The following TRPC5 variants were observed in gnomAD, a reference collection of about 807,000 sequenced individuals.
The protein encoded by TRPC5 is short transient receptor potential channel 5.
TRPC5 carries 9 observed loss-of-function variants against 56.5 expected under a neutral mutation model. The ratio of observed to expected loss-of-function variants is 0.16; its 90% confidence interval spans 0.10 to 0.28. The LOEUF (loss-of-function observed/expected upper bound fraction) is 0.28, where lower values mean the gene tolerates loss of function less well. TRPC5 is among the 10% of genes least tolerant of loss of function. The pLI, the probability that TRPC5 is intolerant of heterozygous loss-of-function variation, is 1.00. For synonymous variants in TRPC5, 282 were observed against 278.5 expected, an observed-to-expected ratio of 1.01 and a Z score of -0.13; for missense variants, 469 against 748.9, an observed-to-expected ratio of 0.63 and a Z score of 4.36.
intron 3 of TRPC5, among the ~76,000 whole-genome samples, chrX:111,886,432 G>A (rs933600634): frequency 8.9e-6 from 1 of 112,262 alleles, no homozygotes; most frequent in Admixed American, 9.4e-5. Context: ...TAAGTGTTTG[G>A]TAGATTATGC....
chrX:111,971,693 C>T (rs1268378336), intron 1 of TRPC5, among the ~76,000 whole-genome samples: 1 of 111,590 alleles, frequency 9.0e-6, no homozygotes, highest in East Asian at 2.8e-4. Context: ...TGTGTCCCTT[C>T]CAAAAATTAA....
chrX:112,068,537 GCAAA>G (rs1450409570), intron 1 of TRPC5, among the ~76,000 whole-genome samples: 2 of 112,056 alleles, frequency 1.8e-5, no homozygotes, highest in African/African-American at 6.5e-5. Context: ...TGCTACAGGG[GCAAA>G]CAAAGAGCTT....
rs1420653228 is a variant in TRPC5, at chrX:111,773,353, T to C, written c.*2960A>G. Among the ~76,000 whole-genome samples the C allele has an allele frequency of 8.9e-6, 1 of 112,061 alleles. No individual in the cohort carries two copies. On this transcript the variant is annotated 3_prime_UTR_variant, in exon 11 of 11. Transcript: ENST00000262839. The stretch of plus-strand genomic sequence containing the variant: ...ATTTTTACCTTTATTATTAGGGAGA[T>C]TTTATGAGATCAAATAAATGAATCC...
chrX:112,064,266 TAGCATTATATCTCA>T (rs1265459671), intron 1 of TRPC5, among the ~76,000 whole-genome samples: 3 of 111,924 alleles, frequency 2.7e-5, no homozygotes, highest in African/African-American at 9.8e-5. Flanking sequence ...GTCAGGTAGA[TAGCATTATATCTCA>T]AGCCATGGAG....
chrX:111,995,529 A>G (rs1603136350), intron 1 of TRPC5, among the ~76,000 whole-genome samples: 1 of 111,578 alleles, frequency 9.0e-6, no homozygotes, highest in South Asian at 3.8e-4. Flanking sequence ...GAATAGTTTC[A>G]GAAGGAATGG....
intron 3 of TRPC5, among the ~76,000 whole-genome samples, chrX:111,885,780 C>T (rs1603076275): frequency 9.0e-6 from 1 of 111,082 alleles, no homozygotes. Flanking sequence ...TCAAAAGCCA[C>T]ACTTTTTTAC....
At chrX:111,789,943 A>T (rs762697656) in intron 7 of TRPC5, among the ~76,000 whole-genome samples, 1 of 112,050 alleles carries the variant, frequency 8.9e-6, no homozygotes, top group Admixed American at 9.5e-5. Flanking sequence ...AAATAGGAAC[A>T]CTTTTACACT....
intron 7 of TRPC5, among the ~76,000 whole-genome samples, chrX:111,795,359 A>G (rs1921048352): frequency 9.0e-6 from 1 of 111,186 alleles, no homozygotes; most frequent in Non-Finnish European, 1.9e-5. Flanking sequence ...AAAATCATCA[A>G]TGTATGTTGA....
chrX:111,940,100 C>CA (rs1242799327), intron 2 of TRPC5, among the ~76,000 whole-genome samples: 1 of 111,766 alleles, frequency 8.9e-6, no homozygotes, highest in East Asian at 2.8e-4. Flanking sequence ...TCATTTCTTT[C>CA]AAAAAATTTA....
At chrX:111,846,400 GAAAAT>G (rs1419714299) in intron 6 of TRPC5, among the ~76,000 whole-genome samples, 1 of 111,724 alleles carries the variant, frequency 9.0e-6, no homozygotes, top group African/African-American at 3.3e-5. Flanking sequence ...TGATTTATCA[GAAAAT>G]AAAAGCCGTT....
intron 1 of TRPC5, among the ~76,000 whole-genome samples, chrX:112,081,467 C>T (rs937746094): frequency 2.7e-5 from 3 of 111,136 alleles, no homozygotes; most frequent in African/African-American, 9.8e-5. Context: ...TGGCTTTTGA[C>T]GAAGGGCAGG....
At chrX:111,911,798 T>C (rs1389275515) in intron 3 of TRPC5, among the ~76,000 whole-genome samples, 1 of 112,176 alleles carries the variant, frequency 8.9e-6, no homozygotes, top group Admixed American at 9.4e-5. Context: ...AGGGATTCAG[T>C]TGTGCCAACA....
chrX:111,951,954 A>G, intron 2 of TRPC5, 89 bp downstream of exon 2: 1 of 1,123,658 alleles, frequency 8.9e-7, no homozygotes, highest in East Asian at 3.0e-5. Context: ...TCTCAATTCC[A>G]GACCACCTAA....
intron 1 of TRPC5, among the ~76,000 whole-genome samples, chrX:111,992,281 G>T (rs945495506): frequency 5.3e-5 from 6 of 112,224 alleles, no homozygotes; most frequent in African/African-American, 1.6e-4. Flanking sequence ...TGTGGTGATG[G>T]TTTCACAGGT....
chrX:111,929,263 T>C (rs1412932081), intron 2 of TRPC5, among the ~76,000 whole-genome samples: 1 of 112,189 alleles, frequency 8.9e-6, no homozygotes, highest in African/African-American at 3.2e-5. Flanking sequence ...CTCATTCATA[T>C]ACTTGAGACT....
At position 111,776,989 on chromosome X, in the gene TRPC5, T is replaced by G. The variant is rs1161747961; in HGVS notation, c.2246A>C (p.Asp749Ala). 8.8e-7 allele frequency: 1 copy of G among 1,136,465 alleles called. No homozygotes were observed. Among genetic ancestry groups the G allele is most frequent in the Admixed American group, 2.9e-5 (1 of 34,699 alleles). The allele number at this position is 1,136,465 out of a possible 1,213,427, so 93.7% of individuals were successfully genotyped here. The change falls in exon 11 of 11, where the codon GAC becomes GCC. Residue 749 changes from aspartate to alanine, a missense_variant. Around this residue, in one of 3 missense-constraint regions of TRPC5, gnomAD observed 194 missense variants for 221.8 expected, o/e 0.87. Coordinates refer to ENST00000262839, the MANE Select transcript of TRPC5 (RefSeq NM_012471.3). ...TEENFKELKQDISSFRYEVLD... is the reference protein window; with the variant it reads ...TEENFKELKQAISSFRYEVLD... The stretch of plus-strand genomic sequence containing the variant: ...CACTTCATACCGAAAGCTGGAGATG[T>G]CTTGCTTTAATTCCTGGGAAAAGAG...
At chrX:111,956,619 G>C (rs554857750) in intron 1 of TRPC5, among the ~76,000 whole-genome samples, 96 of 111,284 alleles carry the variant, frequency 8.6e-4, no homozygotes, top group South Asian at 2.7e-3. Context: ...TGGGCTGGTC[G>C]TGGGAAAGTT....
At chrX:112,048,429 G>A (rs1930126206) in intron 1 of TRPC5, among the ~76,000 whole-genome samples, 1 of 91,658 alleles carries the variant, frequency 1.1e-5, no homozygotes, top group African/African-American at 4.7e-5. Context: ...AAAAAAGGAG[G>A]GGAGAGTGAT....
intron 2 of TRPC5, among the ~76,000 whole-genome samples, chrX:111,939,177 T>C (rs989104999): frequency 5.3e-5 from 6 of 112,305 alleles, no homozygotes; most frequent in Non-Finnish European, 1.1e-4. Flanking sequence ...CTGTCTTTCA[T>C]TCTGTTGATA....
Sources: allele counts gnomAD v4.1 joint callset (sites outside exome capture counted in the v4.1 genomes callset), GRCh38; gene constraint gnomAD v4.1.1; regional missense constraint gnomAD v4.1.1; transcripts MANE v1.5; gene names NCBI Gene and HGNC (gene_info 2026-07-23, HGNC 2026-07-21).